PHACTR1: variants seen among roughly 807,000 people sequenced by gnomAD.
PHACTR1 encodes the protein RPEL repeat containing 1.
Under a neutral mutation model 69.2 loss-of-function variants are expected in PHACTR1, and 16 were observed. The observed-to-expected ratio is 0.23, with a 90% confidence interval of 0.16 to 0.35. The LOEUF (loss-of-function observed/expected upper bound fraction) is 0.35. Among genes scored for constraint, PHACTR1 ranks in the 10% least tolerant of loss-of-function variants. The pLI is 1.00. For synonymous variants in PHACTR1, 312 were observed against 284.5 expected, an observed-to-expected ratio of 1.10 and a Z score of -0.97; for missense variants, 510 against 734.7, an observed-to-expected ratio of 0.69 and a Z score of 3.54.
Position 13,160,302 on chromosome 6 carries a change from G to A in PHACTR1, c.496+18G>A, listed in dbSNP as rs772046205. On this transcript the variant is annotated intron_variant, in intron 6 of 14. Transcript: ENST00000332995. ...TGATAAAGGTAAGGAGGATTGGTCT[G>A]TCATCCCCGGGTCAAAGAGTCATGC... 1.9e-6 allele frequency: 3 copies of A among 1,604,708 alleles called. No individual in the cohort carries two copies. Among genetic ancestry groups the A allele is most frequent in the Non-Finnish European group, 2.6e-6 (3 of 1,171,796 alleles).
intron 4 of PHACTR1, among the ~76,000 whole-genome samples, chr6:13,046,075 A>C (rs1369748981): frequency 1.3e-5 from 2 of 152,160 alleles, no homozygotes; most frequent in African/African-American, 4.8e-5. Context: ...AACTCTCTCA[A>C]TGTAAACATT....
chr6:13,163,389 T>C (rs1759333948), intron 6 of PHACTR1, among the ~76,000 whole-genome samples: 1 of 152,234 alleles, frequency 6.6e-6, no homozygotes, highest in Non-Finnish European at 1.5e-5. Context: ...GTCTGTTCTT[T>C]CTGTTGTTTG....
chr6:13,164,697 A>G (rs1424086304), intron 6 of PHACTR1, among the ~76,000 whole-genome samples: 2 of 152,224 alleles, frequency 1.3e-5, no homozygotes, highest in African/African-American at 2.4e-5. Context: ...CCATGAAAAT[A>G]AACTAGTGAT....
At chr6:12,930,246 T>C (rs1237872192) in intron 4 of PHACTR1, among the ~76,000 whole-genome samples, 1 of 152,126 alleles carries the variant, frequency 6.6e-6, no homozygotes, top group African/African-American at 2.4e-5. Flanking sequence ...GGTCTTGCTC[T>C]ATTATCCAAG....
At chr6:13,152,688 T>C (rs1824489072) in intron 5 of PHACTR1, among the ~76,000 whole-genome samples, 1 of 152,184 alleles carries the variant, frequency 6.6e-6, no homozygotes, top group African/African-American at 2.4e-5. Flanking sequence ...GTGCAAAGAT[T>C]GGTGTGTTTT....
At chr6:12,735,384 T>C (rs1435258778) in intron 3 of PHACTR1, among the ~76,000 whole-genome samples, 1 of 152,202 alleles carries the variant, frequency 6.6e-6, no homozygotes, top group Non-Finnish European at 1.5e-5. Flanking sequence ...GTGTAGGAAG[T>C]GACTACACAA....
chr6:13,199,039 C>T (rs968494526), intron 7 of PHACTR1, among the ~76,000 whole-genome samples: 1 of 152,072 alleles, frequency 6.6e-6, no homozygotes, highest in African/African-American at 2.4e-5. Context: ...GAAGGTGAGG[C>T]CCGGGAATCT....
At chr6:13,269,003 A>G (rs555398802) in intron 10 of PHACTR1, among the ~76,000 whole-genome samples, 43 of 152,316 alleles carry the variant, frequency 2.8e-4, no homozygotes, top group Non-Finnish European at 5.6e-4. Context: ...CATAAAAAAA[A>G]GGGGAGGCCA....
At chr6:12,870,563 C>T (rs1781930713) in intron 4 of PHACTR1, among the ~76,000 whole-genome samples, 2 of 152,196 alleles carry the variant, frequency 1.3e-5, no homozygotes, top group African/African-American at 4.8e-5. Context: ...GGGTCTGTGT[C>T]TCTACATCAG....
chr6:13,163,309 C>A (rs533397670), intron 6 of PHACTR1, among the ~76,000 whole-genome samples: 1 of 152,150 alleles, frequency 6.6e-6, no homozygotes, highest in Admixed American at 6.5e-5. Flanking sequence ...GAGGGAAGGA[C>A]CAGTCTAGTC....
chr6:12,809,769 C>T (rs866703148), intron 4 of PHACTR1, among the ~76,000 whole-genome samples: 15 of 152,228 alleles, frequency 9.9e-5, no homozygotes, highest in Middle Eastern at 3.4e-3. Flanking sequence ...CAGATACATA[C>T]GGAAGGCCTA....
At chr6:12,828,238 T>G (rs1157497412) in intron 4 of PHACTR1, among the ~76,000 whole-genome samples, 1 of 152,214 alleles carries the variant, frequency 6.6e-6, no homozygotes, top group East Asian at 1.9e-4. Context: ...GCTTCTCTAT[T>G]CTTCCCACTA....
chr6:13,153,297 G>A (rs1299287502), intron 5 of PHACTR1, among the ~76,000 whole-genome samples: 1 of 152,202 alleles, frequency 6.6e-6, no homozygotes, highest in Non-Finnish European at 1.5e-5. Context: ...GAGTTTGAAG[G>A]CAAGTTTAGA....
At chr6:12,750,863 A>C (rs1766534452) in intron 4 of PHACTR1, among the ~76,000 whole-genome samples, 1 of 152,214 alleles carries the variant, frequency 6.6e-6, no homozygotes, top group South Asian at 2.1e-4. Flanking sequence ...TAGCAACTAT[A>C]ATAAAAGTGA....
chr6:13,189,204 C>G (rs1456604482), intron 7 of PHACTR1, among the ~76,000 whole-genome samples: 2 of 152,170 alleles, frequency 1.3e-5, no homozygotes, highest in African/African-American at 4.8e-5. Context: ...GAGAACTTTA[C>G]CACATACTCT....
At chr6:12,948,555 T>C (rs1054015097) in intron 4 of PHACTR1, among the ~76,000 whole-genome samples, 16 of 152,292 alleles carry the variant, frequency 1.1e-4, no homozygotes, top group Admixed American at 8.5e-4. Flanking sequence ...AATAATCCTA[T>C]GATATAGGCT....
intron 4 of PHACTR1, among the ~76,000 whole-genome samples, chr6:12,837,607 GACAA>G (rs1485488169): frequency 6.6e-6 from 1 of 152,156 alleles, no homozygotes; most frequent in Admixed American, 6.5e-5. Flanking sequence ...ACCTAAATGA[GACAA>G]ACAAACCACA....
At chr6:12,967,555 G>A (rs77666349) in intron 4 of PHACTR1, among the ~76,000 whole-genome samples, 2,091 of 152,306 alleles carry the variant, frequency 0.014, 49 homozygotes, top group African/African-American at 0.047. Flanking sequence ...TGGCAACTGT[G>A]CTATATACTC....
chr6:13,030,882 T>C (rs933881012), intron 4 of PHACTR1, among the ~76,000 whole-genome samples: 3 of 152,350 alleles, frequency 2.0e-5, no homozygotes, highest in African/African-American at 7.2e-5. Flanking sequence ...TTTATTAGCC[T>C]GAGCACTATT....
Sources: gnomAD v4.1 joint callset for allele counts (sites outside exome capture counted in the v4.1 genomes callset) on GRCh38, gnomAD v4.1.1 for gene constraint, MANE v1.5 for transcripts, NCBI Gene and HGNC (gene_info 2026-07-23, HGNC 2026-07-21) for gene names.